Variants in PIEZO2 observed in about 807,000 individuals in gnomAD.
PIEZO2 encodes piezo type mechanosensitive ion channel component 2, also known as piezo-type mechanosensitive ion channel component 2.
Under a neutral mutation model 337.3 loss-of-function variants are expected in PIEZO2, and 172 were observed. That is an observed-to-expected ratio of 0.51 (90% CI 0.45 to 0.58). The LOEUF (loss-of-function observed/expected upper bound fraction) is 0.58. PIEZO2 is among the 20% of genes least tolerant of loss of function. The probability of loss-of-function intolerance (pLI) is 0.00; values close to 1 mark genes in which losing one functional copy is unlikely to be tolerated. For synonymous variants in PIEZO2, 1,251 were observed against 1,228.5 expected (o/e 1.02, Z -0.38); for missense variants, 3,028 against 3,391.3 (o/e 0.89, Z 2.66).
chr18:10,906,477 T>C (rs2029930490), intron 4 of PIEZO2, among the ~76,000 whole-genome samples: 2 of 152,164 alleles, frequency 1.3e-5, no homozygotes, highest in Non-Finnish European at 2.9e-5. Flanking sequence ...TGGTGATATA[T>C]TTTTCCCAGA....
chr18:11,100,830 C>T (rs544715448), intron 1 of PIEZO2, among the ~76,000 whole-genome samples: 7 of 152,254 alleles, frequency 4.6e-5, no homozygotes, highest in East Asian at 1.9e-4. Context: ...CTCCTGACCT[C>T]GTGATCCGCC....
At chr18:10,838,187 A>G (rs182184089) in intron 7 of PIEZO2, among the ~76,000 whole-genome samples, 41 of 152,266 alleles carry the variant, frequency 2.7e-4, no homozygotes, top group Admixed American at 2.5e-3. Context: ...GTCTTTTACA[A>G]TAAGTTTTTG....
In PIEZO2 at chr18:10,855,980, T is replaced by G. The variant is rs1162322430; in HGVS notation, c.704-414A>C. On this transcript the variant is annotated intron_variant, in intron 6 of 55. Transcript: ENST00000674853. This position sits in a 1 kb window ranked among gnomAD's most constrained non-coding sequence, Gnocchi z 4.9. ...ATTTTCTTTATAATAATTTACTACT[T>G]TTTTTTTTTAAGTTAACTAGTACAT... Among the ~76,000 whole-genome samples, 1 of 147,810 alleles carries G rather than the reference T, an allele frequency of 6.8e-6. No individual in the cohort carries two copies. The highest frequency in any genetic ancestry group is 2.5e-5 in the African/African-American group (1 of 39,400).
chr18:10,704,085 C>G (rs1019771064), intron 42 of PIEZO2, among the ~76,000 whole-genome samples: 5 of 152,198 alleles, frequency 3.3e-5, no homozygotes, highest in African/African-American at 1.2e-4. Flanking sequence ...CACCCCTCAC[C>G]AGTTGGGCAA....
intron 4 of PIEZO2, among the ~76,000 whole-genome samples, chr18:10,879,112 G>A (rs1399715955): frequency 6.6e-6 from 1 of 152,162 alleles, no homozygotes; most frequent in Non-Finnish European, 1.5e-5. Context: ...ATGTGTGTAA[G>A]GTTCTCTAAC....
intron 2 of PIEZO2, among the ~76,000 whole-genome samples, chr18:11,029,731 G>C (rs950371657): frequency 5.3e-5 from 8 of 151,924 alleles, no homozygotes; most frequent in African/African-American, 1.7e-4. Flanking sequence ...TCTCTGCCTT[G>C]AGGACCCCTC....
At chr18:11,043,623 T>C (rs894411711) in intron 2 of PIEZO2, among the ~76,000 whole-genome samples, 1 of 151,808 alleles carries the variant, frequency 6.6e-6, no homozygotes, top group African/African-American at 2.4e-5. Flanking sequence ...AAAAGAATCA[T>C]GAAATCTACT....
At chr18:10,818,203 A>G (rs1006008018) in intron 7 of PIEZO2, among the ~76,000 whole-genome samples, 7 of 152,168 alleles carry the variant, frequency 4.6e-5, no homozygotes, top group African/African-American at 1.4e-4. Context: ...CCAAAGTGCT[A>G]TTAGATTAGA....
rs2040147174 is a variant in PIEZO2, at chr18:11,125,129, G to T, written c.64+23396C>A. ...GTCATACCCATTTCACAGAGCATTT[G>T]CAAATATTAAATGGGAGAAAGAACA... On this transcript the variant is annotated intron_variant, in intron 1 of 55. Transcript: ENST00000674853. The surrounding 1 kb of genome is among the most constrained non-coding windows in gnomAD (Gnocchi z 4.4). Among the ~76,000 whole-genome samples, 3 of 150,592 alleles carry T rather than the reference G, an allele frequency of 2.0e-5. No individual in the cohort carries two copies. Among genetic ancestry groups the T allele is most frequent in the African/African-American group, 7.5e-5 (3 of 40,136 alleles).
chr18:11,010,791 A>T (rs2035870467), intron 2 of PIEZO2, among the ~76,000 whole-genome samples: 1 of 152,232 alleles, frequency 6.6e-6, no homozygotes, highest in Non-Finnish European at 1.5e-5. Flanking sequence ...GACGAGGCCC[A>T]TGTTTATTTG....
rs548424538 is a variant in PIEZO2, at chr18:10,683,147, G to A, written c.7498-855C>T. ...GAACATGGGGTCAACCCCACTCCCC[G>A]ACTTGGCAATGTGATTTATCTTCAG... On this transcript the variant is annotated intron_variant, in intron 49 of 55. Transcript: ENST00000674853. Among the ~76,000 whole-genome samples the A allele has an allele frequency of 8.5e-5, 13 of 152,328 alleles. No individual in the cohort carries two copies. The South Asian group carries it at 2.7e-3, about 32-fold the overall frequency.
At chr18:10,971,829 T>C (rs1598763571) in intron 3 of PIEZO2, among the ~76,000 whole-genome samples, 1 of 152,120 alleles carries the variant, frequency 6.6e-6, no homozygotes, top group African/African-American at 2.4e-5. Context: ...GTGCAGGGTG[T>C]ACTGGAAAGA....
At chr18:10,938,189 A>G (rs2032511778) in intron 3 of PIEZO2, among the ~76,000 whole-genome samples, 1 of 152,238 alleles carries the variant, frequency 6.6e-6, no homozygotes, top group Non-Finnish European at 1.5e-5. Flanking sequence ...TTCAGCCCAC[A>G]GAACTAACCG....
rs536452938 is a variant in PIEZO2 at position 10,990,746 on chromosome 18, TA to T, written c.161-11087del. ...ACACACCCCTATATAGAAGTTACAT[TA>T]TTTTTTTTTCTAATAATGATTTTTC... On this transcript the variant is annotated intron_variant, in intron 2 of 55. Transcript: ENST00000674853. Among the ~76,000 whole-genome samples, 13 of 150,726 alleles carry T rather than the reference TA, an allele frequency of 8.6e-5. No homozygotes were observed. In the East Asian group the frequency reaches 2.5e-3, roughly 29 times the overall value.
chr18:10,800,326 C>T lies in PIEZO2; in HGVS notation c.1378+11G>A. 6.5e-7 allele frequency: 1 copy of T among 1,532,370 alleles called. No individual in the cohort carries two copies. Among genetic ancestry groups the T allele is most frequent in the Non-Finnish European group, 8.7e-7 (1 of 1,144,796 alleles). The allele number at this position is 1,532,370 out of a possible 1,614,324, so 94.9% of individuals were successfully genotyped here. ...AAGAAATGCGACCCTGAGTGCAGGG[C>T]TGGCTCCTACCTGAGGATTCATCAG... On this transcript the variant is annotated intron_variant, in intron 11 of 55. Transcript: ENST00000674853.
chr18:11,074,262 G>A (rs1362035246), intron 1 of PIEZO2, among the ~76,000 whole-genome samples: 1 of 152,062 alleles, frequency 6.6e-6, no homozygotes. Flanking sequence ...AATGTCCCCT[G>A]ATACCCCACC....
At position 10,940,074 on chromosome 18, in the gene PIEZO2, C is replaced by T. The variant is rs975510418; in HGVS notation, c.287-28846G>A. 6.6e-6 allele frequency among the ~76,000 whole-genome samples: 1 copy of T among 152,128 alleles called. No individual in the cohort carries two copies. The highest frequency in any genetic ancestry group is 2.4e-5 in the African/African-American group (1 of 41,420). On this transcript the variant is annotated intron_variant, in intron 3 of 55. Coordinates refer to ENST00000674853, the MANE Select transcript of PIEZO2 (RefSeq NM_001378183.1). The surrounding 1 kb of genome is among the most constrained non-coding windows in gnomAD (Gnocchi z 5.3). ...ACTCTGGGGACAGTGAGTTTCCCCT[C>T]ATCAGAAACAAACTCCAGGGAGTGG...
chr18:11,023,631 G>A (rs908669411), intron 2 of PIEZO2, among the ~76,000 whole-genome samples: 7 of 152,258 alleles, frequency 4.6e-5, no homozygotes, highest in African/African-American at 1.7e-4. Context: ...CTGCCTGCCA[G>A]TCCCGTGCCG....
chr18:10,721,406 T>C (rs1201464989), intron 36 of PIEZO2, among the ~76,000 whole-genome samples: 1 of 152,176 alleles, frequency 6.6e-6, no homozygotes, highest in Non-Finnish European at 1.5e-5. Flanking sequence ...TAAAAGAGTA[T>C]CTTTAAGTTA....
Sources: allele counts gnomAD v4.1 joint callset (sites outside exome capture counted in the v4.1 genomes callset), GRCh38; gene constraint gnomAD v4.1.1; non-coding constraint Gnocchi (gnomAD v3.1); transcripts MANE v1.5; gene names NCBI Gene and HGNC (gene_info 2026-07-23, HGNC 2026-07-21).